ZSCAN5A: variants seen among roughly 807,000 people sequenced by gnomAD.
The protein encoded by ZSCAN5A is zinc finger and SCAN domain containing 5A, also known as zinc finger and SCAN domain-containing protein 5A.
In ZSCAN5A, 12 loss-of-function variants were observed where a neutral mutation model predicts 23.7. That is an observed-to-expected ratio of 0.51 (90% CI 0.32 to 0.82). The LOEUF is 0.82. Ranked by LOEUF, ZSCAN5A falls within the 40% of genes least tolerant of loss-of-function variation. The pLI is 0.03. For missense variants in ZSCAN5A, 597 were observed against 617.9 expected (o/e 0.97, Z 0.36); for synonymous variants, 257 against 239.9 (o/e 1.07, Z -0.66).
intron 2 of ZSCAN5A, among the ~76,000 whole-genome samples, chr19:56,311,666 A>T (rs762827352): frequency 5.9e-5 from 9 of 152,074 alleles, no homozygotes; most frequent in Non-Finnish European, 1.0e-4. Context: ...TAAATGAGAT[A>T]ATATATATAT....
At chr19:56,329,038 A>G (rs576922145) in intron 2 of ZSCAN5A, among the ~76,000 whole-genome samples, 23 of 151,346 alleles carry the variant, frequency 1.5e-4, no homozygotes, top group Non-Finnish European at 2.8e-4. Context: ...AAAGAAATGT[A>G]ACAGAAATTT....
At chr19:56,290,191 G>A (rs1470851522) in intron 2 of ZSCAN5A, among the ~76,000 whole-genome samples, 1 of 152,200 alleles carries the variant, frequency 6.6e-6, no homozygotes, top group East Asian at 1.9e-4. Flanking sequence ...GGTTTCTCAG[G>A]TGCTTCTGAT....
At chr19:56,264,307 T>C (rs1273575453) in intron 2 of ZSCAN5A, among the ~76,000 whole-genome samples, 1 of 152,210 alleles carries the variant, frequency 6.6e-6, no homozygotes, top group Non-Finnish European at 1.5e-5. Flanking sequence ...GAAAGACTTT[T>C]TGGACACTAT....
At chr19:56,253,425 A>T (rs2036490915) in intron 2 of ZSCAN5A, among the ~76,000 whole-genome samples, 1 of 152,196 alleles carries the variant, frequency 6.6e-6, no homozygotes, top group Admixed American at 6.5e-5. Flanking sequence ...CTGAAATGGA[A>T]GTAGTGGCTT....
intron 2 of ZSCAN5A, among the ~76,000 whole-genome samples, chr19:56,291,058 G>A (rs1360166219): frequency 6.6e-6 from 1 of 152,212 alleles, no homozygotes; most frequent in Non-Finnish European, 1.5e-5. Context: ...GGGTGTGTCT[G>A]GGATACGGTG....
chr19:56,275,411 A>C (rs1028943203), intron 2 of ZSCAN5A, among the ~76,000 whole-genome samples: 1 of 152,070 alleles, frequency 6.6e-6, no homozygotes, highest in Non-Finnish European at 1.5e-5. Flanking sequence ...TACTGTATTT[A>C]TTTATATCAG....
At chr19:56,257,478 T>C (rs1241097738) in intron 2 of ZSCAN5A, among the ~76,000 whole-genome samples, 1 of 152,198 alleles carries the variant, frequency 6.6e-6, no homozygotes, top group Non-Finnish European at 1.5e-5. Context: ...CCACCATTGT[T>C]ACCTGGCTGA....
At chr19:56,255,050 T>A (rs985653264) in intron 2 of ZSCAN5A, among the ~76,000 whole-genome samples, 1 of 151,850 alleles carries the variant, frequency 6.6e-6, no homozygotes, top group Non-Finnish European at 1.5e-5. Context: ...ATATATATTT[T>A]AAAATATATA....
At chr19:56,328,717 T>TGGCCAAATGGCCAA (rs2041459307) in intron 2 of ZSCAN5A, among the ~76,000 whole-genome samples, 2 of 148,882 alleles carry the variant, frequency 1.3e-5, no homozygotes, top group South Asian at 4.2e-4. Context: ...AAAGAAGAAA[T>TGGCCAAATGGCCAA]ATGGCCAGGC....
intron 2 of ZSCAN5A, chr19:56,312,308 A>G (rs2041087574): frequency 6.6e-6 from 1 of 152,262 alleles, no homozygotes; most frequent in Non-Finnish European, 1.5e-5. Context: ...ACCAAGTATC[A>G]ATTTAAAATT....
At chr19:56,283,663 G>A (rs1007625564) in intron 2 of ZSCAN5A, 1 of 152,172 alleles carries the variant, frequency 6.6e-6, no homozygotes, top group African/African-American at 2.4e-5. Context: ...ATGAGGAAAT[G>A]GAGACTTCTA....
chr19:56,296,844 G>A (rs2039909609), intron 2 of ZSCAN5A, among the ~76,000 whole-genome samples: 2 of 152,244 alleles, frequency 1.3e-5, no homozygotes, highest in Admixed American at 6.5e-5. Flanking sequence ...GACCAGCCTG[G>A]CCAACATGGT....
intron 2 of ZSCAN5A, among the ~76,000 whole-genome samples, chr19:56,344,121 A>T (rs1170345881): frequency 1.3e-5 from 2 of 152,192 alleles, no homozygotes; most frequent in Non-Finnish European, 2.9e-5. Flanking sequence ...CTCCATCTTG[A>T]CTCTAACCTC....
intron 2 of ZSCAN5A, among the ~76,000 whole-genome samples, chr19:56,305,305 C>T (rs1276282016): frequency 3.9e-5 from 6 of 152,230 alleles, no homozygotes; most frequent in Non-Finnish European, 8.8e-5. Flanking sequence ...AACTCACCTA[C>T]TCTGGTCATT....
chr19:56,245,489 T>TG, intron 2 of ZSCAN5A: 1 of 536,902 alleles, frequency 1.9e-6, no homozygotes, highest in Non-Finnish European at 3.4e-6. Context: ...AAACTGAGTG[T>TG]GCCTCTGGAC....
intron 1 of ZSCAN5A, among the ~76,000 whole-genome samples, chr19:56,364,722 A>G (rs2041754432): frequency 1.3e-5 from 2 of 152,252 alleles, no homozygotes; most frequent in Admixed American, 6.5e-5. Context: ...TGGTACATTC[A>G]TGCAATGGAA....
chr19:56,318,256 G>C (rs1225523847), upstream of ZSCAN5A, among the ~76,000 whole-genome samples: 1 of 152,046 alleles, frequency 6.6e-6, no homozygotes, highest in Non-Finnish European at 1.5e-5. Flanking sequence ...ATTTTAATCA[G>C]TTTTATTGAT....
chr19:56,343,662 G>A (rs1177411798), intron 2 of ZSCAN5A, among the ~76,000 whole-genome samples: 1 of 152,186 alleles, frequency 6.6e-6, no homozygotes, highest in Non-Finnish European at 1.5e-5. Flanking sequence ...CTTCTGCCTC[G>A]GGGTTTGCCT....
intron 2 of ZSCAN5A, among the ~76,000 whole-genome samples, chr19:56,232,597 C>A (rs938177512): frequency 1.3e-5 from 2 of 152,066 alleles, no homozygotes; most frequent in African/African-American, 4.8e-5. Flanking sequence ...AAGCCACAGC[C>A]ATCAACCTGG....
Sources: gnomAD v4.1 joint callset for allele counts (sites outside exome capture counted in the v4.1 genomes callset) on GRCh38, gnomAD v4.1.1 for gene constraint, MANE v1.5 for transcripts, NCBI Gene and HGNC (gene_info 2026-07-23, HGNC 2026-07-21) for gene names.